Variants in WFDC9 observed in about 807,000 individuals in gnomAD.
The protein encoded by WFDC9 is protein WFDC9.
WFDC9 carries 9 observed loss-of-function variants against 9.5 expected under a neutral mutation model. The observed-to-expected ratio is 0.95, with a 90% CI of 0.57 to 1.65. The LOEUF is 1.65. WFDC9 is among the 40% of genes most tolerant of loss of function. The pLI is 0.00. For missense variants in WFDC9, 87 were observed against 106.7 expected (o/e 0.82, Z 0.81); for synonymous variants, 33 against 32.3 (o/e 1.02, Z -0.07).
At chr20:45,620,831 G>A (rs1982082888) in intron 1 of WFDC9, among the ~76,000 whole-genome samples, 1 of 151,736 alleles carries the variant, frequency 6.6e-6, no homozygotes, top group East Asian at 1.9e-4. Flanking sequence ...TTCATATTTG[G>A]TGGGGCATCC....
intron 2 of WFDC9, among the ~76,000 whole-genome samples, chr20:45,612,455 A>G (rs1303888881): frequency 6.6e-6 from 1 of 152,204 alleles, no homozygotes; most frequent in Non-Finnish European, 1.5e-5. Context: ...GTTAAACAAG[A>G]TAAGGAAATG....
chr20:45,624,539 T>A (rs190407357), intron 1 of WFDC9, among the ~76,000 whole-genome samples: 7 of 152,324 alleles, frequency 4.6e-5, no homozygotes, highest in Admixed American at 4.6e-4. Context: ...GGGGTACATA[T>A]GTTGATATGC....
At chr20:45,631,045 C>G (rs1265073387) in intron 1 of WFDC9, 158 bp downstream of exon 1, 2 of 1,565,302 alleles carry the variant, frequency 1.3e-6, no homozygotes, top group Admixed American at 1.9e-5. Flanking sequence ...GGATGTGCAT[C>G]CTGCTTCCCA....
intron 1 of WFDC9, among the ~76,000 whole-genome samples, chr20:45,625,488 T>C (rs912083799): frequency 6.6e-6 from 1 of 152,224 alleles, no homozygotes; most frequent in Non-Finnish European, 1.5e-5. Context: ...CTATTTTTGC[T>C]TTTGTTGCCC....
At chr20:45,616,623 A>G (rs1486804906) in intron 1 of WFDC9, among the ~76,000 whole-genome samples, 2 of 152,222 alleles carry the variant, frequency 1.3e-5, no homozygotes, top group Admixed American at 6.5e-5. Flanking sequence ...ATAGCCTTCC[A>G]AAATGTATGT....
At chr20:45,624,257 T>A (rs1982168208) in intron 1 of WFDC9, among the ~76,000 whole-genome samples, 1 of 152,230 alleles carries the variant, frequency 6.6e-6, no homozygotes, top group Admixed American at 6.5e-5. Flanking sequence ...TAGTACCTGC[T>A]GTTCTACTTT....
intron 1 of WFDC9, among the ~76,000 whole-genome samples, chr20:45,616,182 CTG>C (rs1416763913): frequency 1.3e-5 from 2 of 152,236 alleles, no homozygotes; most frequent in Non-Finnish European, 2.9e-5. Flanking sequence ...TCCTCTCAAA[CTG>C]TGCTGCTGGT....
chr20:45,608,594 T>C, intron 4 of WFDC9, 69 bp downstream of exon 4: 1 of 1,534,320 alleles, frequency 6.5e-7, no homozygotes, highest in South Asian at 1.3e-5. Flanking sequence ...CTGCGGTCTT[T>C]TGAATAGTCG....
intron 1 of WFDC9, among the ~76,000 whole-genome samples, chr20:45,625,139 A>C (rs1982188212): frequency 1.3e-5 from 2 of 152,156 alleles, no homozygotes; most frequent in Admixed American, 1.3e-4. Flanking sequence ...TCATGTCAGA[A>C]GGCGAAGGGG....
intron 1 of WFDC9, among the ~76,000 whole-genome samples, chr20:45,619,554 A>G (rs1210314907): frequency 6.6e-6 from 1 of 151,366 alleles, no homozygotes; most frequent in Non-Finnish European, 1.5e-5. Flanking sequence ...AAAAGACATC[A>G]GGTAGTAATG....
chr20:45,628,929 T>C (rs1332193245), intron 1 of WFDC9, among the ~76,000 whole-genome samples: 1 of 152,164 alleles, frequency 6.6e-6, no homozygotes, highest in Non-Finnish European at 1.5e-5. Flanking sequence ...CATCTTCACT[T>C]CTGAGAGTTC....
At chr20:45,624,876 G>T (rs182349567) in intron 1 of WFDC9, among the ~76,000 whole-genome samples, 76 of 152,176 alleles carry the variant, frequency 5.0e-4, no homozygotes, top group Non-Finnish European at 8.4e-4. Context: ...TTGGTCATTT[G>T]TATGTCTTCT....
intron 1 of WFDC9, chr20:45,629,996 ACT>A (rs1318479118): frequency 3.2e-5 from 48 of 1,510,988 alleles, no homozygotes; most frequent in Non-Finnish European, 4.1e-5. Flanking sequence ...GGAGTTGGAA[ACT>A]CTCTGCATAT....
intron 3 of WFDC9, among the ~76,000 whole-genome samples, chr20:45,609,174 G>A (rs534460511): frequency 5.3e-5 from 8 of 151,958 alleles, no homozygotes; most frequent in Non-Finnish European, 1.2e-4. Context: ...ACTGAGCCAA[G>A]GGAGAATAGA....
intron 1 of WFDC9, among the ~76,000 whole-genome samples, chr20:45,620,829 T>G (rs994170616): frequency 6.6e-6 from 1 of 152,198 alleles, no homozygotes; most frequent in Non-Finnish European, 1.5e-5. Context: ...AATTCATATT[T>G]GGTGGGGCAT....
At chr20:45,623,193 C>T (rs2145600878) in intron 1 of WFDC9, among the ~76,000 whole-genome samples, 1 of 152,196 alleles carries the variant, frequency 6.6e-6, no homozygotes, top group East Asian at 1.9e-4. Flanking sequence ...AGGAAAATAG[C>T]AAACAGATGG....
intron 2 of WFDC9, among the ~76,000 whole-genome samples, chr20:45,611,573 G>A (rs1404807253): frequency 1.3e-5 from 2 of 152,112 alleles, no homozygotes; most frequent in Non-Finnish European, 2.9e-5. Context: ...GTCATGACAA[G>A]AATTCAGTCA....
chr20:45,609,316 G>T (rs1211594280), intron 3 of WFDC9, among the ~76,000 whole-genome samples: 1 of 151,252 alleles, frequency 6.6e-6, no homozygotes, highest in Non-Finnish European at 1.5e-5. Flanking sequence ...CGATTCTCCT[G>T]CCTCAGCCTC....
chr20:45,617,823 A>T (rs1454646283), intron 1 of WFDC9, among the ~76,000 whole-genome samples: 1 of 152,186 alleles, frequency 6.6e-6, no homozygotes, highest in East Asian at 1.9e-4. Context: ...CTTACTAATA[A>T]CATAAACATT....
Sources: allele counts gnomAD v4.1 joint callset (sites outside exome capture counted in the v4.1 genomes callset), GRCh38; gene constraint gnomAD v4.1.1; transcripts MANE v1.5; gene names NCBI Gene and HGNC (gene_info 2026-07-23, HGNC 2026-07-21).